ASTN2: variants seen among roughly 807,000 people sequenced by gnomAD.
ASTN2 encodes the protein astrotactin-2.
Under a neutral mutation model 139.8 loss-of-function variants are expected in ASTN2, and 54 were observed. The ratio of observed to expected loss-of-function variants is 0.39; its 90% CI spans 0.31 to 0.48. The LOEUF is 0.48. Among genes scored for constraint, ASTN2 ranks in the 20% least tolerant of loss-of-function variants. The probability of loss-of-function intolerance (pLI) is 0.95; values close to 1 mark genes in which losing one functional copy is unlikely to be tolerated. For synonymous variants in ASTN2, 756 were observed against 719.5 expected (o/e 1.05, Z -0.81); for missense variants, 1,565 against 1,725.1 (o/e 0.91, Z 1.64).
intron 7 of ASTN2, among the ~76,000 whole-genome samples, chr9:116,998,416 T>A (rs1837081982): frequency 3.3e-5 from 5 of 152,172 alleles, no homozygotes; most frequent in Admixed American, 2.6e-4. Flanking sequence ...TCTGAGCAAG[T>A]CTTTATTTAG....
At chr9:116,688,136 G>A (rs1368047488) in intron 16 of ASTN2, among the ~76,000 whole-genome samples, 1 of 152,092 alleles carries the variant, frequency 6.6e-6, no homozygotes, top group Non-Finnish European at 1.5e-5. Flanking sequence ...GCGGGGCTGA[G>A]TGTGGCAGAG....
In ASTN2 at chr9:116,924,478, G is replaced by A. The variant is rs539521041; in HGVS notation, c.1889+50730C>T. 3.7e-4 allele frequency among the ~76,000 whole-genome samples: 56 copies of A among 151,466 alleles called. 1 individual carries two copies. The South Asian group carries it at 6.9e-3, about 19-fold the overall frequency. ...AATGGCTACTCCATTGGCAGCGGTG[G>A]CATGGGCTGCTCAGCTTCTTATACT... On this transcript the variant is annotated intron_variant, in intron 10 of 22. Transcript: ENST00000313400.
At chr9:116,764,233 C>A (rs1829747780) in intron 13 of ASTN2, among the ~76,000 whole-genome samples, 1 of 152,178 alleles carries the variant, frequency 6.6e-6, no homozygotes, top group Non-Finnish European at 1.5e-5. Flanking sequence ...TAGCTGTCAG[C>A]CCTTATGGGG....
chr9:116,583,316 A>C (rs888946163), intron 19 of ASTN2: 1 of 152,230 alleles, frequency 6.6e-6, no homozygotes, highest in African/African-American at 2.4e-5. Flanking sequence ...ACAGGTTAAA[A>C]TTGCTGGCTA....
intron 15 of ASTN2, 121 bp downstream of exon 15, chr9:116,728,871 G>C (rs1289264801): frequency 2.6e-6 from 2 of 777,004 alleles, no homozygotes; most frequent in Admixed American, 2.3e-5. Context: ...ATGGCAGAGA[G>C]GATGCATCCT....
At chr9:117,085,591 C>A (rs189832391) in intron 5 of ASTN2, among the ~76,000 whole-genome samples, 1 of 152,146 alleles carries the variant, frequency 6.6e-6, no homozygotes, top group Non-Finnish European at 1.5e-5. Context: ...TGCCCTGGGA[C>A]GGCTGGTCCT....
intron 1 of ASTN2, among the ~76,000 whole-genome samples, chr9:117,354,171 ACT>A (rs1000324487): frequency 4.6e-5 from 7 of 151,862 alleles, no homozygotes; most frequent in Non-Finnish European, 7.4e-5. Context: ...AGTATAAGGA[ACT>A]CTCTGTACTT....
chr9:116,879,408 G>C (rs1351693898), intron 10 of ASTN2, among the ~76,000 whole-genome samples: 1 of 152,074 alleles, frequency 6.6e-6, no homozygotes, highest in Admixed American at 6.5e-5. Context: ...TTTTGAACCT[G>C]AGGAAATCAA....
chr9:117,075,078 C>T (rs1355592377), intron 5 of ASTN2, among the ~76,000 whole-genome samples: 6 of 152,220 alleles, frequency 3.9e-5, no homozygotes. Flanking sequence ...GGGAATAACA[C>T]AATCTAACAA....
At chr9:117,074,881 C>T (rs1828237943) in intron 5 of ASTN2, among the ~76,000 whole-genome samples, 2 of 152,022 alleles carry the variant, frequency 1.3e-5, no homozygotes, top group Admixed American at 1.3e-4. Context: ...TAAGTGAAGA[C>T]CATGAGACAC....
intron 16 of ASTN2, among the ~76,000 whole-genome samples, chr9:116,663,928 C>G (rs1858712057): frequency 6.6e-6 from 1 of 152,148 alleles, no homozygotes; most frequent in Non-Finnish European, 1.5e-5. Flanking sequence ...TTTCTAAGCA[C>G]TCTTCCACAA....
intron 13 of ASTN2, among the ~76,000 whole-genome samples, chr9:116,800,668 T>A (rs915085475): frequency 6.6e-6 from 1 of 152,170 alleles, no homozygotes; most frequent in Non-Finnish European, 1.5e-5. Flanking sequence ...GTTGCATACA[T>A]CCTTTATTGC....
At chr9:116,497,918 A>G (rs1849720705) in intron 19 of ASTN2, among the ~76,000 whole-genome samples, 1 of 152,162 alleles carries the variant, frequency 6.6e-6, no homozygotes, top group Admixed American at 6.5e-5. Flanking sequence ...TGTGCTTCCT[A>G]TCAGATTCTC....
intron 10 of ASTN2, among the ~76,000 whole-genome samples, chr9:116,872,715 A>G (rs919341120): frequency 2.6e-5 from 4 of 152,152 alleles, no homozygotes; most frequent in African/African-American, 9.7e-5. Flanking sequence ...GACATAAAGG[A>G]TGGGTGGAAA....
At chr9:116,763,919 C>A (rs1829740092) in intron 13 of ASTN2, among the ~76,000 whole-genome samples, 3 of 152,148 alleles carry the variant, frequency 2.0e-5, no homozygotes, top group Admixed American at 2.0e-4. Context: ...ACTCCAGTAC[C>A]AGCAGGGTAA....
chr9:116,986,903 G>T (rs1291860160), intron 7 of ASTN2, among the ~76,000 whole-genome samples: 2 of 152,212 alleles, frequency 1.3e-5, no homozygotes, highest in Non-Finnish European at 2.9e-5. Flanking sequence ...TTGGAAAATG[G>T]TGGGCCCTTT....
rs549352762 is a variant in ASTN2, at chr9:116,636,680, A to G, written c.3072+14848T>C. On this transcript the variant is annotated intron_variant, in intron 17 of 22. Transcript: ENST00000313400. Reference sequence around the variant, plus strand: ...GACAGAGTGAGACTTCATCTCAAAGAAAAAAAAAAGAAAGAAAGAAAAAGA... The same window carrying G: ...GACAGAGTGAGACTTCATCTCAAAGGAAAAAAAAAGAAAGAAAGAAAAAGA... 4.0e-5 allele frequency among the ~76,000 whole-genome samples: 6 copies of G among 150,418 alleles called. No individual in the cohort carries two copies. In the East Asian group the frequency reaches 9.8e-4, roughly 24 times the overall value.
chr9:116,780,728 C>A (rs968568995), intron 13 of ASTN2, among the ~76,000 whole-genome samples: 32 of 152,084 alleles, frequency 2.1e-4, no homozygotes, highest in African/African-American at 7.7e-4. Flanking sequence ...CCCTACACAA[C>A]CAAGAGCTAT....
At chr9:117,376,235 A>C (rs535683890) in intron 1 of ASTN2, among the ~76,000 whole-genome samples, 1 of 152,186 alleles carries the variant, frequency 6.6e-6, no homozygotes, top group African/African-American at 2.4e-5. Flanking sequence ...TTGCTAAAGA[A>C]GACACTGAGG....
Sources: gnomAD v4.1 joint callset for allele counts (sites outside exome capture counted in the v4.1 genomes callset) on GRCh38, gnomAD v4.1.1 for gene constraint, MANE v1.5 for transcripts, NCBI Gene and HGNC (gene_info 2026-07-23, HGNC 2026-07-21) for gene names.